CYP19A1: variants seen among roughly 807,000 people sequenced by gnomAD.
CYP19A1 encodes the protein cytochrome P450 family 19 subfamily A member 1.
In CYP19A1, 32 loss-of-function variants were observed where a neutral mutation model predicts 44.4. The ratio of observed to expected loss-of-function variants is 0.72; its 90% CI spans 0.54 to 0.97. The LOEUF (loss-of-function observed/expected upper bound fraction) is 0.97. Ranked by LOEUF, CYP19A1 falls within the 50% of genes least tolerant of loss-of-function variation. The pLI, the probability that CYP19A1 is intolerant of heterozygous loss-of-function variation, is 0.00. For missense variants in CYP19A1, 598 were observed against 637.8 expected (o/e 0.94, Z 0.67); for synonymous variants, 212 against 215.6 (o/e 0.98, Z 0.14).
intron 5 of CYP19A1, among the ~76,000 whole-genome samples, chr15:51,220,760 T>C (rs1709491587): frequency 6.6e-6 from 1 of 152,226 alleles, no homozygotes; most frequent in African/African-American, 2.4e-5. Flanking sequence ...CTCTACTAGC[T>C]ACTTGGTTGT....
intron 1 of CYP19A1, chr15:51,324,016 G>A (rs1315286394): frequency 1.3e-5 from 2 of 152,206 alleles, no homozygotes; most frequent in Non-Finnish European, 1.5e-5. Context: ...AGGGGACCTG[G>A]GGATCTTGCT....
chr15:51,333,284 G>A (rs2036729366), intron 1 of CYP19A1, among the ~76,000 whole-genome samples: 1 of 152,142 alleles, frequency 6.6e-6, no homozygotes, highest in African/African-American at 2.4e-5. Flanking sequence ...GACAAAAATG[G>A]TGGTTCTCAA....
intron 1 of CYP19A1, among the ~76,000 whole-genome samples, chr15:51,307,902 G>C (rs2036242976): frequency 6.6e-6 from 1 of 152,206 alleles, no homozygotes; most frequent in Non-Finnish European, 1.5e-5. Context: ...AAAGCTAAGA[G>C]TTAACGTTTA....
intron 1 of CYP19A1, among the ~76,000 whole-genome samples, chr15:51,253,670 C>T (rs1230311700): frequency 2.6e-5 from 4 of 152,158 alleles, no homozygotes; most frequent in Non-Finnish European, 5.9e-5. Flanking sequence ...GGGGCTAATC[C>T]TTCAACTTGT....
chr15:51,235,153 G>A (rs1008554334), intron 3 of CYP19A1, among the ~76,000 whole-genome samples: 1 of 152,190 alleles, frequency 6.6e-6, no homozygotes, highest in Non-Finnish European at 1.5e-5. Flanking sequence ...TTTTTAAAAT[G>A]AGAACGTATC....
intron 1 of CYP19A1, among the ~76,000 whole-genome samples, chr15:51,303,594 T>C (rs1402044983): frequency 1.3e-5 from 2 of 151,934 alleles, no homozygotes; most frequent in African/African-American, 4.8e-5. Context: ...TCAGTGTCCA[T>C]CTGGGTTTTG....
rs138942319 is a variant in CYP19A1 at position 51,262,374 on chromosome 15, G to A, written c.-38-19424C>T. Among the ~76,000 whole-genome samples, 907 of 152,252 alleles carry A rather than the reference G, an allele frequency of 6.0e-3. 14 individuals are homozygous for A. The highest frequency in any genetic ancestry group is 0.021 in the African/African-American group (874 of 41,542). ...TTCCCACTCCACATGCTATATTTCT[G>A]TGTGTGTGTCTTTAATTCCTCTAGC... is the stretch of plus-strand genomic sequence containing the variant. On this transcript the variant is annotated intron_variant, in intron 1 of 9. Transcript: ENST00000396402.
rs149958167 is a variant in CYP19A1, at chr15:51,264,415, C to G, written c.-38-21465G>C. Among the ~76,000 whole-genome samples, 499 of 151,900 alleles carry G rather than the reference C, an allele frequency of 3.3e-3. 4 individuals are homozygous for G. The highest frequency in any genetic ancestry group is 0.011 in the African/African-American group (476 of 41,418). ...TAAGACCCCGAGAAAGATACCAAAG[C>G]CTTTGGTTAGTAGGGGAGACAGGGT... On this transcript the variant is annotated intron_variant, in intron 1 of 9. Coordinates refer to ENST00000396402, the MANE Select transcript of CYP19A1 (RefSeq NM_000103.4).
chr15:51,276,264 T>C (rs968674897), intron 1 of CYP19A1, among the ~76,000 whole-genome samples: 1 of 152,330 alleles, frequency 6.6e-6, no homozygotes, highest in Middle Eastern at 3.4e-3. Context: ...TCCATCTTCG[T>C]CAGATGGCTC....
chr15:51,248,933 C>CTT (rs375834140), intron 1 of CYP19A1, among the ~76,000 whole-genome samples: 24 of 140,396 alleles, frequency 1.7e-4, no homozygotes, highest in African/African-American at 2.6e-4. Context: ...TCAAATTCAT[C>CTT]TTTTTTTTTT....
At chr15:51,323,311 T>C (rs2036556620) in intron 1 of CYP19A1, among the ~76,000 whole-genome samples, 1 of 152,092 alleles carries the variant, frequency 6.6e-6, no homozygotes, top group African/African-American at 2.4e-5. Context: ...GTAGCCACAC[T>C]CAGGCATAAT....
intron 4 of CYP19A1, among the ~76,000 whole-genome samples, chr15:51,227,575 T>C (rs1183126252): frequency 2.6e-5 from 4 of 151,526 alleles, no homozygotes; most frequent in Non-Finnish European, 5.9e-5. Context: ...GAGGCTGAGG[T>C]GGGAGAATCG....
intron 2 of CYP19A1, 97 bp downstream of exon 2, chr15:51,242,670 GT>G: frequency 1.3e-6 from 1 of 751,138 alleles, no homozygotes; most frequent in Non-Finnish European, 2.4e-6. Flanking sequence ...ATCTTTCCAG[GT>G]TTGCTTTTTG....
At chr15:51,228,560 T>A (rs1187305598) in intron 3 of CYP19A1, among the ~76,000 whole-genome samples, 2 of 152,194 alleles carry the variant, frequency 1.3e-5, no homozygotes, top group Non-Finnish European at 2.9e-5. Context: ...TGGACTGGCA[T>A]GCAAAGTTCA....
At chr15:51,330,163 CAG>C (rs2036677193) in intron 1 of CYP19A1, among the ~76,000 whole-genome samples, 1 of 151,998 alleles carries the variant, frequency 6.6e-6, no homozygotes, top group South Asian at 2.1e-4. Context: ...AGAAACAGGG[CAG>C]AGAGAGAGTA....
chr15:51,330,943 C>G (rs1181559524), intron 1 of CYP19A1, among the ~76,000 whole-genome samples: 1 of 152,110 alleles, frequency 6.6e-6, no homozygotes, highest in African/African-American at 2.4e-5. Context: ...GGAGAAGAAG[C>G]TACATGGCCG....
intron 4 of CYP19A1, among the ~76,000 whole-genome samples, chr15:51,224,754 T>C (rs1432918702): frequency 6.6e-6 from 1 of 152,228 alleles, no homozygotes; most frequent in African/African-American, 2.4e-5. Context: ...TGATTCTCCA[T>C]AGTTTTTGAG....
intron 1 of CYP19A1, among the ~76,000 whole-genome samples, chr15:51,294,665 G>T (rs544836724): frequency 7.9e-6 from 1 of 125,804 alleles, no homozygotes; most frequent in Admixed American, 7.2e-5. Context: ...CAGCCGCCCC[G>T]TCCGGGAGGG....
At chr15:51,265,085 C>A (rs1157077473) in intron 1 of CYP19A1, among the ~76,000 whole-genome samples, 2 of 152,232 alleles carry the variant, frequency 1.3e-5, no homozygotes, top group African/African-American at 4.8e-5. Context: ...TCATCCCCTG[C>A]CACTTGCCCT....
Sources: allele counts gnomAD v4.1 joint callset (sites outside exome capture counted in the v4.1 genomes callset), GRCh38; gene constraint gnomAD v4.1.1; transcripts MANE v1.5; gene names NCBI Gene and HGNC (gene_info 2026-07-23, HGNC 2026-07-21).